VNN1: variants seen among roughly 807,000 people sequenced by gnomAD.
VNN1 encodes the protein vanin 1, also known as pantetheinase.
Under a neutral mutation model 41.9 loss-of-function variants are expected in VNN1, and 29 were observed. The observed-to-expected ratio is 0.69, with a 90% CI of 0.52 to 0.94. VNN1 has a LOEUF of 0.94. Ranked by LOEUF, VNN1 falls within the 40% of genes least tolerant of loss-of-function variation. The pLI is 0.00. For synonymous variants in VNN1, 233 were observed against 224.4 expected, an observed-to-expected ratio of 1.04 and a Z score of -0.34; for missense variants, 637 against 621.1, an observed-to-expected ratio of 1.03 and a Z score of -0.27.
At position 132,711,724 on chromosome 6, in the gene VNN1, C is replaced by G; in HGVS notation, c.326G>C (p.Cys109Ser). ...GTTTCTTTACCTGTTACGATTATTA[C>G]AGGGGATCCAGTTTACTTCAGGGTC... ...IPDPEVNWIP[C>S]NNRNRFGQTP... The change falls in exon 2 of 7, where the codon TGT (cysteine) becomes TCT (serine). Residue 109 changes from cysteine to serine, a missense_variant. By Grantham distance (112) the Cys-to-Ser change is moderately radical. Transcript: ENST00000367928. 1.9e-6 allele frequency: 3 copies of G among 1,612,044 alleles called. No individual in the cohort carries two copies. The highest frequency in any genetic ancestry group is 2.5e-6 in the Non-Finnish European group (3 of 1,179,356).
intron 5 of VNN1, among the ~76,000 whole-genome samples, chr6:132,689,800 G>T (rs1371038350): frequency 2.0e-5 from 3 of 152,162 alleles, no homozygotes; most frequent in Admixed American, 1.3e-4. Context: ...TTAAGCATCA[G>T]ACCAAAGTAT....
intron 2 of VNN1, among the ~76,000 whole-genome samples, chr6:132,711,190 T>C (rs1778594262): frequency 6.6e-6 from 1 of 152,218 alleles, no homozygotes; most frequent in African/African-American, 2.4e-5. Flanking sequence ...AGATATTGGT[T>C]TCCTTACATT....
At position 132,713,861 on chromosome 6, in the gene VNN1, T is replaced by C; in HGVS notation, c.175A>G (p.Ile59Val). 1 of 1,613,448 alleles carries C rather than the reference T, an allele frequency of 6.2e-7. No individual in the cohort carries two copies. Among genetic ancestry groups the C allele is most frequent in the Non-Finnish European group, 8.5e-7 (1 of 1,180,022 alleles). The stretch of plus-strand genomic sequence containing the variant: ...GCTGATGTGATCGCTCCTTCCAAAA[T>C]GTCCAGATTCCGATTCATTAATGCC... The part of the protein sequence containing the change: ...ALALMNRNLD[I>V]LEGAITSAAD... Residue 59 changes from isoleucine (I) to valine (V), a missense_variant, in exon 1 of 7, where the codon ATT becomes GTT. Physicochemically the swap from Ile to Val is conservative, Grantham distance 29. Coordinates refer to ENST00000367928, the MANE Select transcript of VNN1 (RefSeq NM_004666.3).
chr6:132,692,109 T>G, intron 5 of VNN1, 114 bp downstream of exon 5: 1 of 1,216,066 alleles, frequency 8.2e-7, no homozygotes, highest in Non-Finnish European at 1.1e-6. Flanking sequence ...CATACATAAA[T>G]CCCCAAAAGT....
At chr6:132,689,469 A>G (rs572742282) in intron 5 of VNN1, among the ~76,000 whole-genome samples, 1 of 152,314 alleles carries the variant, frequency 6.6e-6, no homozygotes, top group African/African-American at 2.4e-5. Flanking sequence ...TTCTGCCAAA[A>G]TTATACTCAA....
rs549888019 is a variant in VNN1, at chr6:132,682,072, T to C, written c.*1068A>G. The C allele has an allele frequency of 8.5e-5, 13 of 152,358 alleles. No homozygotes were observed. The highest frequency in any genetic ancestry group is 2.6e-4 in the African/African-American group (11 of 41,572). The allele number at this position is 152,358 out of a possible 1,614,324, so 9.4% of individuals were successfully genotyped here. On this transcript the variant is annotated 3_prime_UTR_variant, in exon 7 of 7. Transcript: ENST00000367928. ...TGAGTTGTGTAATGTCAAGAGATTC[T>C]GCTGTTACTAAAATAGAACACACAA...
At chr6:132,687,016 A>G (rs1778218276) in intron 5 of VNN1, among the ~76,000 whole-genome samples, 1 of 152,200 alleles carries the variant, frequency 6.6e-6, no homozygotes, top group African/African-American at 2.4e-5. Context: ...GTAGTAAAAA[A>G]TAGCAGAGAA....
chr6:132,684,630 A>G, intron 5 of VNN1, 125 bp from the exon 6 acceptor site: 1 of 732,352 alleles, frequency 1.4e-6, no homozygotes, highest in Non-Finnish European at 2.0e-6. Flanking sequence ...GTAAAGATAT[A>G]CAATTTTCAT....
At chr6:132,697,327 A>G (rs1385914133) in intron 2 of VNN1, among the ~76,000 whole-genome samples, 1 of 152,058 alleles carries the variant, frequency 6.6e-6, no homozygotes, top group African/African-American at 2.4e-5. Context: ...AATGTACTGG[A>G]ACAGTGAGAG....
chr6:132,709,025 C>A (rs890978976), intron 2 of VNN1, among the ~76,000 whole-genome samples: 17 of 152,126 alleles, frequency 1.1e-4, no homozygotes, highest in African/African-American at 4.1e-4. Context: ...TCTTTCAGGT[C>A]TTTGCTGAAA....
chr6:132,685,046 G>A (rs910903729), intron 5 of VNN1, among the ~76,000 whole-genome samples: 2 of 152,184 alleles, frequency 1.3e-5, no homozygotes, highest in Non-Finnish European at 2.9e-5. Context: ...AGGCACCTGT[G>A]TAAATCATAT....
At chr6:132,706,215 G>C (rs539606211) in intron 2 of VNN1, among the ~76,000 whole-genome samples, 9 of 151,398 alleles carry the variant, frequency 5.9e-5, no homozygotes, top group Non-Finnish European at 1.3e-4. Flanking sequence ...TAAGCAAAAA[G>C]AAAAAAAACT....
intron 2 of VNN1, among the ~76,000 whole-genome samples, chr6:132,704,651 A>G (rs1251161596): frequency 6.6e-6 from 1 of 152,068 alleles, no homozygotes; most frequent in Non-Finnish European, 1.5e-5. Context: ...ATTTTTTTAA[A>G]CTAGAAAAGG....
chr6:132,688,080 C>T (rs936768644), intron 5 of VNN1, among the ~76,000 whole-genome samples: 2 of 152,054 alleles, frequency 1.3e-5, no homozygotes, highest in Non-Finnish European at 2.9e-5. Flanking sequence ...CATAATATAT[C>T]ATCACAGTTA....
At chr6:132,700,170 T>TAA (rs1778430501) in intron 2 of VNN1, among the ~76,000 whole-genome samples, 1 of 152,208 alleles carries the variant, frequency 6.6e-6, no homozygotes, top group African/African-American at 2.4e-5. Context: ...GCAGATGGTC[T>TAA]CCACATTGGG....
chr6:132,698,957 T>C, intron 2 of VNN1: 1 of 185,836 alleles, frequency 5.4e-6, no homozygotes, highest in Non-Finnish European at 1.2e-5. Flanking sequence ...AAGTACAAGA[T>C]GTTAGTCTAA....
At chr6:132,692,067 G>C (rs1379854069) in intron 5 of VNN1, among the ~76,000 whole-genome samples, 156 bp downstream of exon 5, 2 of 151,060 alleles carry the variant, frequency 1.3e-5, no homozygotes, top group Non-Finnish European at 2.9e-5. Context: ...CCCAGCTAAA[G>C]TTGAATTTCA....
At chr6:132,693,949 T>C (rs1778330514) in intron 3 of VNN1, 41 bp downstream of exon 3, 2 of 1,605,950 alleles carry the variant, frequency 1.2e-6, no homozygotes, top group Non-Finnish European at 1.7e-6. Context: ...CTTTATTTCA[T>C]TAGGCATTAA....
At chr6:132,703,482 G>T (rs1159693338) in intron 2 of VNN1, among the ~76,000 whole-genome samples, 1 of 152,080 alleles carries the variant, frequency 6.6e-6, no homozygotes, top group Non-Finnish European at 1.5e-5. Flanking sequence ...ATGTTAAGTT[G>T]TCATCACTTT....
Sources: allele counts gnomAD v4.1 joint callset (sites outside exome capture counted in the v4.1 genomes callset), GRCh38; gene constraint gnomAD v4.1.1; transcripts MANE v1.5; gene names NCBI Gene and HGNC (gene_info 2026-07-23, HGNC 2026-07-21).